ARHGAP4: variants seen among roughly 807,000 people sequenced by gnomAD.
ARHGAP4 encodes rho GTPase-activating protein 4.
A neutral mutation model predicts 67.6 loss-of-function variants in ARHGAP4; 25 were observed. That is an observed-to-expected ratio of 0.37 (90% confidence interval 0.27 to 0.52). The LOEUF (loss-of-function observed/expected upper bound fraction) is 0.52. Among genes scored for constraint, ARHGAP4 ranks in the 20% least tolerant of loss-of-function variants. The pLI is 0.92. For synonymous variants in ARHGAP4, 448 were observed against 373.7 expected (o/e 1.20, Z -2.29); for missense variants, 804 against 854.6 (o/e 0.94, Z 0.74).
chrX:153,911,252 CTTTTTTTTTTTT>C (rs10710691), intron 12 of ARHGAP4, 63 bp from the exon 13 acceptor site: 6 of 422,735 alleles, frequency 1.4e-5, no homozygotes, highest in Non-Finnish European at 2.1e-5. Flanking sequence ...CATTCAATTG[CTTTTTTTTTTTT>C]TTTTTTTTTT....
At position 153,909,847 on chromosome X, in the gene ARHGAP4, C is replaced by T; in HGVS notation, c.2308G>A (p.Gly770Arg). The T allele has an allele frequency of 8.3e-7, 1 of 1,202,769 alleles. No homozygotes were observed. Among genetic ancestry groups the T allele is most frequent in the Non-Finnish European group, 1.1e-6 (1 of 891,648 alleles). The stretch of plus-strand genomic sequence containing the variant: ...CTCTCGTGCAGCCGCAGTACGTCCC[C>T]CCGCCGGAAGCTCAGCTCCTGGGCT... ...RTAQELSFRR[G>R]DVLRLHERAS... is the part of the protein sequence containing the mutation. The change falls in exon 19 of 22, where the codon GGG becomes AGG. Residue 770 changes from glycine to arginine, a missense_variant. By Grantham distance (125) the Gly-to-Arg change is moderately radical. This residue lies in a region of ARHGAP4 where 400 missense variants were observed against 348.7 expected (regional missense o/e 1.15). Coordinates refer to ENST00000350060, the MANE Select transcript of ARHGAP4 (RefSeq NM_001666.5).
intron 7 of ARHGAP4, chrX:153,914,207 G>C: frequency 3.7e-6 from 1 of 271,828 alleles, no homozygotes; most frequent in Non-Finnish European, 6.6e-6. Context: ...CATAGAGACA[G>C]GAAGCAGAGT....
rs1557104720 is a variant in ARHGAP4, at chrX:153,919,209, A to G, written c.756T>C (p.Ser252=). 1 of 1,211,014 alleles carries G rather than the reference A, an allele frequency of 8.3e-7. No individual in the cohort carries two copies. Among genetic ancestry groups the G allele is most frequent in the African/African-American group, 1.7e-5 (1 of 57,490 alleles). The change falls in exon 6 of 22, where the codon AGT becomes AGC. Residue 252 remains serine, a synonymous_variant. Transcript: ENST00000350060. ...AGTAGTTACTGACAGCAGCGTTGAC[A>G]CTAGCCAGGCTAAGCAGGTACTCGT... The part of the protein sequence containing the change: ...ARNEYLLSLA[S]VNAAVSNYYL...
chrX:153,909,696 G>T, intron 19 of ARHGAP4, 45 bp downstream of exon 19: 2 of 1,140,334 alleles, frequency 1.8e-6, no homozygotes, highest in Non-Finnish European at 2.3e-6. Context: ...GTGGATGAAG[G>T]GGAGACTCCG....
At chrX:153,925,054 G>T (rs2065118373) in intron 1 of ARHGAP4, among the ~76,000 whole-genome samples, 1 of 111,517 alleles carries the variant, frequency 9.0e-6, no homozygotes, top group Admixed American at 9.5e-5. Context: ...TTTGCTGACT[G>T]AAGTTTTCCA....
chrX:153,920,086 A>C (rs1027225432), intron 5 of ARHGAP4, among the ~76,000 whole-genome samples: 5 of 111,948 alleles, frequency 4.5e-5, no homozygotes, highest in African/African-American at 1.6e-4. Context: ...CACCTGGCTA[A>C]AGCTGGCACG....
chrX:153,922,921 C>T (rs2065105164), intron 1 of ARHGAP4, among the ~76,000 whole-genome samples: 1 of 111,315 alleles, frequency 9.0e-6, no homozygotes, highest in African/African-American at 3.3e-5. Context: ...GAAGATGAAC[C>T]CACAAAGCAA....
chrX:153,914,409 A>G (rs1032438881), intron 7 of ARHGAP4, among the ~76,000 whole-genome samples: 3 of 112,816 alleles, frequency 2.7e-5, no homozygotes, highest in Admixed American at 9.4e-5. Context: ...TTAAAACAGA[A>G]TGGTGGCCCG....
intron 12 of ARHGAP4, 73 bp from the exon 13 acceptor site, chrX:153,911,262 T>TA (rs1422879663): frequency 1.4e-5 from 13 of 928,807 alleles, no homozygotes; most frequent in African/African-American, 2.2e-5. Context: ...CTTTTTTTTT[T>TA]TTTTTTTTTT....
At position 153,910,176 on chromosome X, in the gene ARHGAP4, G is replaced by A. The variant is rs781986868; in HGVS notation, c.2151C>T (p.Cys717=). 8.3e-7 allele frequency: 1 copy of A among 1,211,139 alleles called. No individual in the cohort carries two copies. Among genetic ancestry groups the A allele is most frequent in the Non-Finnish European group, 1.1e-6 (1 of 895,373 alleles). ...EKCMAPPSAS[C]LGDAQLESLG... ...CGGCAGCACCAAGGGTGTACCCCAG[G>A]CAGCTGGCGGAAGGCGGTGCCATGC... The change falls in exon 17 of 22, where the codon TGC becomes TGT. Residue 717 remains cysteine, a synonymous_variant. Coordinates refer to ENST00000350060, the MANE Select transcript of ARHGAP4 (RefSeq NM_001666.5).
chrX:153,913,473 G>T lies in ARHGAP4; in HGVS notation c.1262C>A (p.Pro421Gln). 1.7e-6 allele frequency: 2 copies of T among 1,212,042 alleles called. No individual in the cohort carries two copies. The highest frequency in any genetic ancestry group is 2.2e-6 in the Non-Finnish European group (2 of 895,550). The change falls in exon 9 of 22, where the codon CCA (proline) becomes CAA (glutamine). Residue 421 changes from proline to glutamine, a missense_variant. This residue lies in a region of ARHGAP4 where 404 missense variants were observed against 505.9 expected (regional missense o/e 0.80). Coordinates refer to ENST00000350060, the MANE Select transcript of ARHGAP4 (RefSeq NM_001666.5). ...CCTCCGGCCCGCCTGCCGGCTGCCT[G>T]GGTCTGAGCTGGTGGACTTGAGGGA... ...TESLKSTSSD[P>Q]GSRQAGRRRG...
In ARHGAP4 at chrX:153,911,014, G is replaced by C; in HGVS notation, c.1604-15C>G. ...ATGCTGCAGGCCTGTGGGAGGACAA[G>C]GAGCTGGTGGGCACTGAGCATCTTC... On this transcript the variant is annotated splice_polypyrimidine_tract_variant and intron_variant, in intron 13 of 21. Coordinates refer to ENST00000350060, the MANE Select transcript of ARHGAP4 (RefSeq NM_001666.5). 8.6e-7 allele frequency: 1 copy of C among 1,166,142 alleles called. No homozygotes were observed. Among genetic ancestry groups the C allele is most frequent in the South Asian group, 1.9e-5 (1 of 52,740 alleles).
chrX:153,909,225 G>A (rs1569545769), intron 20 of ARHGAP4, 56 bp from the exon 21 acceptor site: 1 of 1,074,667 alleles, frequency 9.3e-7, no homozygotes, highest in Non-Finnish European at 1.3e-6. Context: ...GAGCTAGCTG[G>A]GCAGTGGCTC....
At chrX:153,912,990 C>T (rs373876709) in intron 11 of ARHGAP4, 34 bp downstream of exon 11, 13 of 1,104,961 alleles carry the variant, frequency 1.2e-5, no homozygotes, top group African/African-American at 9.2e-5. Flanking sequence ...GATGGCGGAC[C>T]GTCGCAGGGC....
chrX:153,909,872 T>C lies in ARHGAP4; in HGVS notation c.2283A>G (p.Thr761=), dbSNP rs2065004509. 2 of 1,204,484 alleles carry C rather than the reference T, an allele frequency of 1.7e-6. No homozygotes were observed. Among genetic ancestry groups the C allele is most frequent in the African/African-American group, 3.5e-5 (2 of 57,704 alleles). Residue 761 remains threonine, a synonymous_variant, in exon 19 of 22, where the codon ACA becomes ACG. Transcript: ENST00000350060. ...AVACFAYTGR[T]AQELSFRRGD... ...CCCGCCGGAAGCTCAGCTCCTGGGC[T>C]GTGCGGCCCGTGTAGGCAAAGCAGG...
In ARHGAP4 at chrX:153,913,191, C is replaced by G. The variant is rs370815979; in HGVS notation, c.1411+27G>C. On this transcript the variant is annotated intron_variant, in intron 10 of 21. Coordinates refer to ENST00000350060, the MANE Select transcript of ARHGAP4 (RefSeq NM_001666.5). ...GACAGGGTCCTGGGCAGGGGAGAGG[C>G]GGGGAAGGGGGCAGCACTGGGCCCA... 8 of 1,163,138 alleles carry G rather than the reference C, an allele frequency of 6.9e-6. No individual in the cohort carries two copies. In the African/African-American group the frequency reaches 1.3e-4, roughly 18 times the overall value.
chrX:153,910,548 G>C lies in ARHGAP4; in HGVS notation c.1880C>G (p.Pro627Arg). Reference sequence around the variant, plus strand: ...GAGGTAGCGCAGAACCACCAGCACCGGCGCGGGCAGCCGCCACAGCAGGCG... The same window carrying C: ...GAGGTAGCGCAGAACCACCAGCACCCGCGCGGGCAGCCGCCACAGCAGGCG... The part of the protein sequence containing the change: ...VSRLLWRLPA[P>R]VLVVLRYLFT... The change falls in exon 16 of 22, where the codon CCG becomes CGG. Residue 627 changes from proline (P) to arginine (R), a missense_variant. Pro to Arg is a moderately radical substitution (Grantham distance 103, BLOSUM62 -2). Transcript: ENST00000350060. 2 of 1,149,991 alleles carry C rather than the reference G, an allele frequency of 1.7e-6. No individual in the cohort carries two copies. The highest frequency in any genetic ancestry group is 2.3e-6 in the Non-Finnish European group (2 of 860,632). 94.8% of individuals were successfully genotyped at this position (1,149,991 alleles called of 1,213,427 possible).
At chrX:153,909,230 T>C (rs888024184) in intron 20 of ARHGAP4, 61 bp from the exon 21 acceptor site, 1 of 1,054,347 alleles carries the variant, frequency 9.5e-7, no homozygotes, top group Non-Finnish European at 1.3e-6. Context: ...AGCTGGGCAG[T>C]GGCTCCTCCC....
In ARHGAP4 at chrX:153,907,442, C is replaced by T; in HGVS notation, c.*287G>A. On this transcript the variant is annotated 3_prime_UTR_variant, in exon 22 of 22. Coordinates refer to ENST00000350060, the MANE Select transcript of ARHGAP4 (RefSeq NM_001666.5). The stretch of plus-strand genomic sequence containing the variant: ...CCTGCCAGGCATCTGAGCAAGGGTA[C>T]CCGCCACCCAGCAGCCACTGATCAG... 1.8e-5 allele frequency: 6 copies of T among 335,807 alleles called. No individual in the cohort carries two copies. The South Asian group carries it at 2.9e-4, about 16-fold the overall frequency. 27.7% of individuals were successfully genotyped at this position (335,807 alleles called of 1,213,427 possible).
Sources: gnomAD v4.1 joint callset for allele counts (sites outside exome capture counted in the v4.1 genomes callset) on GRCh38, gnomAD v4.1.1 for gene constraint, gnomAD v4.1.1 regional missense constraint, MANE v1.5 for transcripts, NCBI Gene and HGNC (gene_info 2026-07-23, HGNC 2026-07-21) for gene names.